IQGAP2: variants seen among roughly 807,000 people sequenced by gnomAD.
The protein encoded by IQGAP2 is IQ motif containing GTPase activating protein 2.
A neutral mutation model predicts 201.3 loss-of-function variants in IQGAP2; 173 were observed. The observed-to-expected ratio is 0.86, with a 90% confidence interval of 0.76 to 0.98. IQGAP2 has a LOEUF of 0.98. IQGAP2 is among the 50% of genes least tolerant of loss of function. IQGAP2 has a pLI of 0.00. For synonymous variants in IQGAP2, 675 were observed against 673.9 expected (o/e 1.00, Z -0.03); for missense variants, 1,687 against 1,864.8 (o/e 0.90, Z 1.76).
intron 13 of IQGAP2, among the ~76,000 whole-genome samples, chr5:76,620,839 C>T (rs941151411): frequency 6.6e-6 from 1 of 152,174 alleles, no homozygotes; most frequent in Non-Finnish European, 1.5e-5. Context: ...AAGATAGAAA[C>T]ACATCAACTA....
intron 2 of IQGAP2, among the ~76,000 whole-genome samples, chr5:76,464,231 G>T (rs753329187): frequency 1.3e-5 from 2 of 152,186 alleles, no homozygotes; most frequent in African/African-American, 4.8e-5. Context: ...ACATATAGTT[G>T]TGCTGATTTA....
At chr5:76,646,716 T>G (rs567119719) in intron 17 of IQGAP2, among the ~76,000 whole-genome samples, 126 of 151,582 alleles carry the variant, frequency 8.3e-4, no homozygotes, top group Middle Eastern at 6.8e-3. Context: ...AAGTTTAAGG[T>G]TTTTTTTTGA....
At chr5:76,565,920 C>G (rs906176751) in intron 3 of IQGAP2, among the ~76,000 whole-genome samples, 4 of 152,092 alleles carry the variant, frequency 2.6e-5, no homozygotes, top group Admixed American at 1.3e-4. Context: ...ATCTCTTGAC[C>G]CAGGAAGCGG....
At chr5:76,592,018 C>G (rs1238786170) in intron 8 of IQGAP2, among the ~76,000 whole-genome samples, 5 of 152,198 alleles carry the variant, frequency 3.3e-5, no homozygotes, top group Non-Finnish European at 7.3e-5. Context: ...TCTAGTCTCA[C>G]CAGTCTTGCC....
At chr5:76,472,789 T>A (rs1027562362) in intron 2 of IQGAP2, among the ~76,000 whole-genome samples, 1 of 152,252 alleles carries the variant, frequency 6.6e-6, no homozygotes, top group African/African-American at 2.4e-5. Context: ...AAAGACAAGT[T>A]GAGCAACTGA....
chr5:76,523,328 C>T (rs944706918), intron 2 of IQGAP2, among the ~76,000 whole-genome samples: 3 of 152,134 alleles, frequency 2.0e-5, no homozygotes, highest in Middle Eastern at 3.4e-3. Context: ...TAGGCTCAAG[C>T]GATCCTCCCT....
rs150565805 is a variant in IQGAP2, at chr5:76,567,176, T to C, written c.304-3404T>C. Among the ~76,000 whole-genome samples, 174 of 152,344 alleles carry C rather than the reference T, an allele frequency of 1.1e-3. 2 individuals carry two copies. The highest frequency in any genetic ancestry group is 4.1e-3 in the African/African-American group (169 of 41,590). Reference sequence around the variant, plus strand: ...CAGCGTCTAGCTTCGCCATTAACTTTGGCTCTCTGAGCCTCAGTTTCCTCA... The same window carrying C: ...CAGCGTCTAGCTTCGCCATTAACTTCGGCTCTCTGAGCCTCAGTTTCCTCA... On this transcript the variant is annotated intron_variant, in intron 3 of 35. Transcript: ENST00000274364.
chr5:76,610,082 A>C (rs1303098602), intron 12 of IQGAP2, among the ~76,000 whole-genome samples: 1,983 of 7,838 alleles, frequency 0.25, 130 homozygotes, highest in African/African-American at 0.35. Flanking sequence ...CTCTCTATAT[A>C]TATATATATA....
intron 2 of IQGAP2, among the ~76,000 whole-genome samples, chr5:76,491,962 C>G (rs1373905392): frequency 6.6e-6 from 1 of 152,170 alleles, no homozygotes; most frequent in African/African-American, 2.4e-5. Context: ...CCTCTCGATT[C>G]TCCTGGAACA....
At chr5:76,480,365 T>C (rs1755701755) in intron 2 of IQGAP2, among the ~76,000 whole-genome samples, 2 of 152,268 alleles carry the variant, frequency 1.3e-5, no homozygotes, top group African/African-American at 2.4e-5. Flanking sequence ...TAATCCCCTC[T>C]CTCTGGAATA....
intron 2 of IQGAP2, among the ~76,000 whole-genome samples, chr5:76,492,353 C>A (rs1756606070): frequency 1.3e-5 from 2 of 152,166 alleles, no homozygotes; most frequent in South Asian, 4.1e-4. Context: ...AGAGTGGGAG[C>A]AAGCATCTTG....
At chr5:76,645,477 G>A (rs1488716213) in intron 17 of IQGAP2, among the ~76,000 whole-genome samples, 1 of 152,174 alleles carries the variant, frequency 6.6e-6, no homozygotes, top group Admixed American at 6.5e-5. Flanking sequence ...AGTGTAAAAA[G>A]CATTCCTATT....
intron 1 of IQGAP2, among the ~76,000 whole-genome samples, chr5:76,461,189 G>T (rs1460498083): frequency 2.6e-5 from 4 of 151,574 alleles, no homozygotes; most frequent in Non-Finnish European, 4.4e-5. Context: ...TGATTCACTT[G>T]TTAGAAATAA....
intron 15 of IQGAP2, among the ~76,000 whole-genome samples, chr5:76,634,760 T>G (rs1215755253): frequency 6.6e-6 from 1 of 152,344 alleles, no homozygotes; most frequent in East Asian, 1.9e-4. Context: ...CATCTACCAT[T>G]TGGTGGATGG....
chr5:76,639,925 C>T lies in IQGAP2; in HGVS notation c.1924-1008C>T, dbSNP rs114374970. ...TATAGACATACTAAAAATTTATATG[C>T]CATGGTTGAAAAGATGTATCAAACT... is the stretch of plus-strand genomic sequence containing the variant. On this transcript the variant is annotated intron_variant, in intron 16 of 35. Transcript: ENST00000274364. Among the ~76,000 whole-genome samples, 448 of 152,202 alleles carry T rather than the reference C, an allele frequency of 2.9e-3. 1 individual carries two copies. The highest frequency in any genetic ancestry group is 5.0e-3 in the Non-Finnish European group (338 of 67,986).
intron 24 of IQGAP2, 61 bp from the exon 25 acceptor site, chr5:76,673,388 G>A (rs1744522912): frequency 6.4e-7 from 1 of 1,561,394 alleles, no homozygotes; most frequent in Non-Finnish European, 8.7e-7. Flanking sequence ...GAACCAACTT[G>A]GCAGCAAAAT....
chr5:76,495,460 C>G (rs1447438577), intron 2 of IQGAP2, among the ~76,000 whole-genome samples: 1 of 152,098 alleles, frequency 6.6e-6, no homozygotes, highest in Non-Finnish European at 1.5e-5. Context: ...TGCTGGGCTG[C>G]CAGGGACCAG....
intron 3 of IQGAP2, among the ~76,000 whole-genome samples, chr5:76,567,854 C>G (rs1744862178): frequency 6.6e-6 from 1 of 150,796 alleles, no homozygotes; most frequent in South Asian, 2.1e-4. Flanking sequence ...ACTAGATGAA[C>G]CATGTTTGCT....
At chr5:76,565,236 A>G (rs60935109) in intron 3 of IQGAP2, among the ~76,000 whole-genome samples, 2,786 of 152,300 alleles carry the variant, frequency 0.018, 85 homozygotes, top group African/African-American at 0.064. Context: ...GGGAACGCTC[A>G]ATAACCCAGC....
Sources: allele counts gnomAD v4.1 joint callset (sites outside exome capture counted in the v4.1 genomes callset), GRCh38; gene constraint gnomAD v4.1.1; transcripts MANE v1.5; gene names NCBI Gene and HGNC (gene_info 2026-07-23, HGNC 2026-07-21).